ROCK1: variants seen among roughly 807,000 people sequenced by gnomAD.
The protein encoded by ROCK1 is rho-associated protein kinase 1.
Under a neutral mutation model 196.8 loss-of-function variants are expected in ROCK1, and 36 were observed. The observed-to-expected ratio is 0.18, with a 90% CI of 0.14 to 0.24. The LOEUF (loss-of-function observed/expected upper bound fraction) is 0.24. Ranked by LOEUF, ROCK1 falls within the 10% of genes least tolerant of loss-of-function variation. The probability of loss-of-function intolerance (pLI) is 1.00; values close to 1 mark genes in which losing one functional copy is unlikely to be tolerated. For missense variants in ROCK1, 920 were observed against 1,562.0 expected (o/e 0.59, Z 6.93); for synonymous variants, 443 against 515.9 (o/e 0.86, Z 1.91).
chr18:21,018,768 C>T (rs776022098), intron 12 of ROCK1, among the ~76,000 whole-genome samples: 21 of 152,214 alleles, frequency 1.4e-4, no homozygotes, highest in Non-Finnish European at 2.1e-4. Context: ...TTGTACCAAA[C>T]CCCCCACCTG....
chr18:21,024,579 T>C (rs1275526349), intron 10 of ROCK1, among the ~76,000 whole-genome samples: 1 of 152,220 alleles, frequency 6.6e-6, no homozygotes, highest in Non-Finnish European at 1.5e-5. Flanking sequence ...GTATACTTCA[T>C]AGCTATTGGA....
intron 1 of ROCK1, among the ~76,000 whole-genome samples, chr18:21,102,419 A>G (rs909546927): frequency 3.9e-5 from 6 of 152,238 alleles, no homozygotes; most frequent in African/African-American, 1.4e-4. Context: ...TCCTGACACT[A>G]TAAATTCCAT....
At chr18:20,967,106 A>AGAT (rs767869804) in intron 26 of ROCK1, 30 bp from the exon 27 acceptor site, 1 of 1,480,018 alleles carries the variant, frequency 6.8e-7, no homozygotes, top group African/African-American at 1.4e-5. Flanking sequence ...AGATAATATA[A>AGAT]TCAAGCTAAA....
At chr18:20,973,114 G>C (rs2035445438) in intron 22 of ROCK1, among the ~76,000 whole-genome samples, 1 of 151,970 alleles carries the variant, frequency 6.6e-6, no homozygotes, top group African/African-American at 2.4e-5. Context: ...CCCGACCTCA[G>C]GGAATCCACC....
At chr18:21,064,361 G>A (rs1163499981) in intron 2 of ROCK1, among the ~76,000 whole-genome samples, 2 of 151,286 alleles carry the variant, frequency 1.3e-5, no homozygotes, top group East Asian at 1.9e-4. Flanking sequence ...TCTTTTGGAA[G>A]CCTTTCTTTA....
At chr18:20,960,508 G>T (rs2035316881) in intron 27 of ROCK1, among the ~76,000 whole-genome samples, 1 of 151,710 alleles carries the variant, frequency 6.6e-6, no homozygotes, top group African/African-American at 2.4e-5. Context: ...AGCTTAAATG[G>T]GATATGATGT....
At chr18:21,016,284 C>T (rs374505459) in intron 12 of ROCK1, among the ~76,000 whole-genome samples, 2 of 152,126 alleles carry the variant, frequency 1.3e-5, no homozygotes, top group South Asian at 2.1e-4. Context: ...AAACGTTCAC[C>T]TTTTGTCATC....
chr18:20,994,908 T>C (rs2035657607), intron 16 of ROCK1, among the ~76,000 whole-genome samples: 1 of 152,168 alleles, frequency 6.6e-6, no homozygotes, highest in Non-Finnish European at 1.5e-5. Flanking sequence ...ATAATCTAAG[T>C]TGATTAAAAC....
At chr18:21,098,470 C>CA (rs2036629891) in intron 1 of ROCK1, among the ~76,000 whole-genome samples, 2 of 151,978 alleles carry the variant, frequency 1.3e-5, no homozygotes, top group Admixed American at 1.3e-4. Flanking sequence ...CATTAAGCAT[C>CA]AGAGAAAATA....
intron 1 of ROCK1, among the ~76,000 whole-genome samples, chr18:21,106,535 T>A (rs375027144): frequency 6.6e-6 from 1 of 152,216 alleles, no homozygotes; most frequent in Non-Finnish European, 1.5e-5. Flanking sequence ...CCATCCCTTA[T>A]TCTGTTTTCA....
At chr18:20,984,620 T>C (rs2143393826) in intron 19 of ROCK1, 85 bp from the exon 20 acceptor site, 4 of 958,372 alleles carry the variant, frequency 4.2e-6, no homozygotes, top group Non-Finnish European at 6.1e-6. Context: ...CCAAATCAAG[T>C]ACATTATAAT....
intron 22 of ROCK1, among the ~76,000 whole-genome samples, chr18:20,974,428 G>C (rs1016248866): frequency 6.6e-6 from 1 of 152,164 alleles, no homozygotes; most frequent in Non-Finnish European, 1.5e-5. Flanking sequence ...TTTCTGCTTT[G>C]TGTTAAGATA....
chr18:21,030,222 G>C (rs1323320670), intron 9 of ROCK1, among the ~76,000 whole-genome samples: 1 of 152,106 alleles, frequency 6.6e-6, no homozygotes, highest in Non-Finnish European at 1.5e-5. Context: ...AAATACAGAA[G>C]TTAATTATGG....
intron 1 of ROCK1, among the ~76,000 whole-genome samples, chr18:21,109,847 T>A (rs1039930708): frequency 3.9e-5 from 6 of 152,188 alleles, no homozygotes; most frequent in African/African-American, 1.4e-4. Flanking sequence ...TTAATCTTAA[T>A]CCCCAAAATT....
chr18:20,978,807 G>A (rs188579486), intron 22 of ROCK1, among the ~76,000 whole-genome samples: 191 of 152,310 alleles, frequency 1.3e-3, no homozygotes, highest in African/African-American at 4.5e-3. Context: ...GGGATATAGT[G>A]GGCTTCTGAA....
chr18:21,039,539 A>G lies in ROCK1; in HGVS notation c.984T>C (p.Gly328=). ...AGAGATGTCGTTTGATTTCTTCTAC[A>G]CCATTTCGCCCTAACCTCACTTCCC... ...TDREVRLGRN[G]VEEIKRHLFF... The change falls in exon 9 of 33, where the codon GGT becomes GGC. Residue 328 remains glycine, a synonymous_variant. Transcript: ENST00000399799. The G allele has an allele frequency of 6.2e-7, 1 of 1,613,924 alleles. No individual in the cohort carries two copies. Among genetic ancestry groups the G allele is most frequent in the African/African-American group, 1.3e-5 (1 of 75,028 alleles).
At chr18:20,967,536 A>G (rs571689910) in intron 26 of ROCK1, among the ~76,000 whole-genome samples, 2 of 152,320 alleles carry the variant, frequency 1.3e-5, no homozygotes, top group South Asian at 4.1e-4. Flanking sequence ...GTGAGTCTTG[A>G]CTAGAGAAAA....
At chr18:21,004,256 A>G (rs2035750370) in intron 16 of ROCK1, among the ~76,000 whole-genome samples, 1 of 152,212 alleles carries the variant, frequency 6.6e-6, no homozygotes, top group South Asian at 2.1e-4. Context: ...GAGATCATAT[A>G]TGGAGGACAT....
rs531485308 is a variant in ROCK1, at chr18:21,086,011, T to C, written c.94-15398A>G. Among the ~76,000 whole-genome samples the C allele has an allele frequency of 3.3e-5, 5 of 152,282 alleles. No individual in the cohort carries two copies. In the South Asian group the frequency reaches 6.2e-4, roughly 19 times the overall value. On this transcript the variant is annotated intron_variant, in intron 1 of 32. Transcript: ENST00000399799. ...GGTTCAGACTTTGGGGAGAGAGAGT[T>C]TGTCATTTCTCAAACGATTCTTTTA...
Sources: allele counts gnomAD v4.1 joint callset (sites outside exome capture counted in the v4.1 genomes callset), GRCh38; gene constraint gnomAD v4.1.1; transcripts MANE v1.5; gene names NCBI Gene and HGNC (gene_info 2026-07-23, HGNC 2026-07-21).